Variants in SLC30A8 observed in about 807,000 individuals in gnomAD.
The protein encoded by SLC30A8 is proton-coupled zinc antiporter SLC30A8.
Under a neutral mutation model 36.9 loss-of-function variants are expected in SLC30A8, and 27 were observed. That is an observed-to-expected ratio of 0.73 (90% CI 0.54 to 1.01). SLC30A8 has a LOEUF of 1.01. SLC30A8 is among the 50% of genes least tolerant of loss of function. The pLI, the probability that SLC30A8 is intolerant of heterozygous loss-of-function variation, is 0.00. For missense variants in SLC30A8, 439 were observed against 452.0 expected (o/e 0.97, Z 0.26); for synonymous variants, 164 against 172.4 (o/e 0.95, Z 0.38).
At chr8:116,980,659 T>C (rs895154735) in intron 1 of SLC30A8, among the ~76,000 whole-genome samples, 3 of 152,096 alleles carry the variant, frequency 2.0e-5, no homozygotes, top group Non-Finnish European at 4.4e-5. Flanking sequence ...AAGATGAGTC[T>C]ACAACTGGAA....
At position 117,098,404 on chromosome 8, in the gene SLC30A8, G is replaced by A. The variant is rs114113666; in HGVS notation, c.-225-36876G>A. On this transcript the variant is annotated intron_variant, in intron 2 of 10. Transcript: ENST00000427715. ...AATGTTAAGAATACTCAAAATCTTT[G>A]GTAGAGTATCACTCGTCTGTCCTAC... Among the ~76,000 whole-genome samples the A allele has an allele frequency of 4.1e-3, 619 of 152,146 alleles. 3 individuals carry two copies. The highest frequency in any genetic ancestry group is 0.014 in the African/African-American group (580 of 41,508).
rs151063276 is a variant in SLC30A8, at chr8:117,109,447, A to G, written c.-225-25833A>G. Among the ~76,000 whole-genome samples the G allele has an allele frequency of 2.9e-3, 446 of 152,292 alleles. 5 individuals carry two copies. Among genetic ancestry groups the G allele is most frequent in the African/African-American group, 1.0e-2 (415 of 41,566 alleles). On this transcript the variant is annotated intron_variant, in intron 2 of 10. Coordinates refer to the SLC30A8 transcript ENST00000427715. ...AGTAGGAACAAAGTTCTTAACTTCT[A>G]GCCCTTGAGAAAATCTTCCCGGACA...
intron 1 of SLC30A8, among the ~76,000 whole-genome samples, chr8:116,994,788 G>A (rs1462569695): frequency 3.9e-5 from 6 of 152,144 alleles, no homozygotes; most frequent in South Asian, 4.2e-4. Flanking sequence ...TCCCAAAAGC[G>A]AAGTTAGTCC....
chr8:117,037,815 C>T (rs375672222), intron 1 of SLC30A8, among the ~76,000 whole-genome samples: 4 of 152,230 alleles, frequency 2.6e-5, no homozygotes, highest in African/African-American at 4.8e-5. Context: ...ACTTCACTTC[C>T]GCAGATGCAT....
At chr8:117,139,038 A>G (rs575561563) in intron 1 of SLC30A8, among the ~76,000 whole-genome samples, 2 of 152,204 alleles carry the variant, frequency 1.3e-5, no homozygotes, top group East Asian at 3.9e-4. Context: ...TTGTTGCTTC[A>G]TGATAGCAAC....
At chr8:117,029,645 A>G (rs1816972927) in intron 1 of SLC30A8, among the ~76,000 whole-genome samples, 1 of 152,212 alleles carries the variant, frequency 6.6e-6, no homozygotes, top group Admixed American at 6.5e-5. Context: ...TAATAAAGCT[A>G]TGTCTGTCTC....
At chr8:117,059,034 A>T (rs527484452) in intron 2 of SLC30A8, among the ~76,000 whole-genome samples, 30 of 151,786 alleles carry the variant, frequency 2.0e-4, no homozygotes, top group Non-Finnish European at 3.5e-4. Flanking sequence ...CAGAAATTTC[A>T]TACTGCAGAA....
intron 1 of SLC30A8, among the ~76,000 whole-genome samples, chr8:116,972,615 A>G (rs1202021742): frequency 2.0e-5 from 3 of 152,200 alleles, no homozygotes; most frequent in Non-Finnish European, 4.4e-5. Context: ...AAACATACGA[A>G]TTAGTGAACT....
rs143450971 is a variant in SLC30A8 at position 117,022,114 on chromosome 8, C to T, written c.-265-17105C>T. Among the ~76,000 whole-genome samples, 121 of 151,972 alleles carry T rather than the reference C, an allele frequency of 8.0e-4. No individual in the cohort carries two copies. The East Asian group carries it at 0.021, about 27-fold the overall frequency. On this transcript the variant is annotated intron_variant, in intron 1 of 10. Coordinates refer to the SLC30A8 transcript ENST00000427715. Reference sequence around the variant, plus strand: ...ACTCGGGAGGCTGGGGCAGGAGAATCGCTTGAACCCAGGAGGCGGAGCTTG... The same window carrying T: ...ACTCGGGAGGCTGGGGCAGGAGAATTGCTTGAACCCAGGAGGCGGAGCTTG...
chr8:116,958,217 T>C (rs184276470), intron 1 of SLC30A8, among the ~76,000 whole-genome samples: 2 of 152,318 alleles, frequency 1.3e-5, no homozygotes, highest in East Asian at 1.9e-4. Flanking sequence ...GCGGTCAACA[T>C]TGAAAGAGGT....
chr8:117,057,065 C>T (rs1185399458), intron 2 of SLC30A8, among the ~76,000 whole-genome samples: 1 of 152,134 alleles, frequency 6.6e-6, no homozygotes, highest in Admixed American at 6.5e-5. Flanking sequence ...AGCTTATCAG[C>T]AACAGAAATT....
chr8:116,970,349 C>A (rs927918610), intron 1 of SLC30A8, among the ~76,000 whole-genome samples: 45 of 152,256 alleles, frequency 3.0e-4, no homozygotes, highest in African/African-American at 9.9e-4. Context: ...AAGGACCTGC[C>A]TGGGGCTGTT....
chr8:116,975,931 T>G (rs948053036), intron 1 of SLC30A8, among the ~76,000 whole-genome samples: 2 of 152,116 alleles, frequency 1.3e-5, no homozygotes, highest in African/African-American at 4.8e-5. Flanking sequence ...ATTTGAAAAT[T>G]ATGGCCTTCT....
intron 1 of SLC30A8, among the ~76,000 whole-genome samples, chr8:116,979,705 C>CA (rs1815190750): frequency 6.6e-6 from 1 of 152,176 alleles, no homozygotes; most frequent in African/African-American, 2.4e-5. Context: ...TTCATGTACT[C>CA]ACTTGTCCCG....
At chr8:117,022,328 T>C (rs1355138062) in intron 1 of SLC30A8, among the ~76,000 whole-genome samples, 2 of 152,210 alleles carry the variant, frequency 1.3e-5, no homozygotes, top group Non-Finnish European at 2.9e-5. Flanking sequence ...TTGAACTGTA[T>C]TTACATTAGG....
intron 1 of SLC30A8, among the ~76,000 whole-genome samples, chr8:117,036,907 A>G (rs941404472): frequency 2.0e-4 from 30 of 152,150 alleles, no homozygotes; most frequent in African/African-American, 7.2e-4. Context: ...ACTTTCTGAT[A>G]AATCTTTCTG....
At chr8:117,126,820 A>G (rs943669793) in intron 2 of SLC30A8, among the ~76,000 whole-genome samples, 6 of 152,030 alleles carry the variant, frequency 3.9e-5, no homozygotes, top group Non-Finnish European at 8.8e-5. Context: ...AACTCGAAAT[A>G]GCTGAGCTCA....
rs140726750 is a variant in SLC30A8, at chr8:117,148,479, C to A, written c.271+1326C>A. On this transcript the variant is annotated intron_variant, in intron 2 of 7. Transcript: ENST00000456015. ...AATGTAGATTTATATGTTATAATAT[C>A]TGTTATTTCCTACTCATGATTTTTA... Among the ~76,000 whole-genome samples, 548 of 152,168 alleles carry A rather than the reference C, an allele frequency of 3.6e-3. 3 individuals are homozygous for A. The highest frequency in any genetic ancestry group is 0.013 in the African/African-American group (522 of 41,542).
chr8:117,037,097 A>G (rs1817238078), intron 1 of SLC30A8, among the ~76,000 whole-genome samples: 1 of 152,296 alleles, frequency 6.6e-6, no homozygotes, highest in East Asian at 1.9e-4. Context: ...GGCATCATGA[A>G]AAATTAAAAT....
Sources: gnomAD v4.1 joint callset for allele counts (sites outside exome capture counted in the v4.1 genomes callset) on GRCh38, gnomAD v4.1.1 for gene constraint, MANE v1.5 for transcripts, NCBI Gene and HGNC (gene_info 2026-07-23, HGNC 2026-07-21) for gene names.